The following SH3KBP1 variants were observed in gnomAD, a reference collection of about 807,000 sequenced individuals.
The protein encoded by SH3KBP1 is SH3 domain containing kinase binding protein 1, also known as SH3 domain-containing kinase-binding protein 1.
SH3KBP1 carries 8 observed loss-of-function variants against 50.1 expected under a neutral mutation model. The ratio of observed to expected loss-of-function variants is 0.16; its 90% CI spans 0.09 to 0.29. The LOEUF is 0.29. SH3KBP1 is among the 10% of genes least tolerant of loss of function. The pLI is 1.00. For missense variants in SH3KBP1, 377 were observed against 535.2 expected (o/e 0.70, Z 2.92); for synonymous variants, 227 against 218.6 (o/e 1.04, Z -0.34).
At chrX:19,548,030 G>A (rs781200503) in intron 14 of SH3KBP1, among the ~76,000 whole-genome samples, 13 of 112,947 alleles carry the variant, frequency 1.2e-4, no homozygotes, top group Non-Finnish European at 1.9e-4. Flanking sequence ...AAGTCATTGT[G>A]CCGTAAGCTT....
intron 16 of SH3KBP1, among the ~76,000 whole-genome samples, chrX:19,540,308 G>T (rs964744772): frequency 7.2e-5 from 8 of 110,779 alleles, no homozygotes; most frequent in African/African-American, 2.6e-4. Flanking sequence ...AGTCCAAGAG[G>T]CTTCAATTCC....
intron 6 of SH3KBP1, among the ~76,000 whole-genome samples, chrX:19,671,371 A>AACACACACACACACAC (rs745414505): frequency 7.9e-4 from 81 of 101,907 alleles, no homozygotes; most frequent in Non-Finnish European, 9.8e-4. Flanking sequence ...ATTACTCATA[A>AACACACACACACACAC]ACACACACAC....
At position 19,826,984 on chromosome X, in the gene SH3KBP1, G is replaced by A. The variant is rs187959419; in HGVS notation, c.162+9141C>T. On this transcript the variant is annotated intron_variant, in intron 2 of 17. Transcript: ENST00000397821. ...CCCTTCATAAATCAAGAAGAACAAA[G>A]TAACTGTGAGCTTTATCTTGGAGTG... is the stretch of plus-strand genomic sequence containing the variant. Among the ~76,000 whole-genome samples, 24 of 112,153 alleles carry A rather than the reference G, an allele frequency of 2.1e-4. No homozygotes were observed. The East Asian group carries it at 6.1e-3, about 29-fold the overall frequency.
chrX:19,695,489 C>T, intron 5 of SH3KBP1, 123 bp downstream of exon 5: 1 of 916,273 alleles, frequency 1.1e-6, no homozygotes, highest in Non-Finnish European at 1.5e-6. Flanking sequence ...GCAGTATAAC[C>T]AAAAAAATAC....
intron 8 of SH3KBP1, among the ~76,000 whole-genome samples, chrX:19,608,309 T>TC (rs1365320782): frequency 6.9e-4 from 69 of 100,012 alleles, no homozygotes; most frequent in African/African-American, 2.2e-3. Context: ...TTTCTTTCTT[T>TC]TTTTTTTTTT....
rs182195663 is a variant in SH3KBP1 at position 19,708,373 on chromosome X, T to C, written c.287-1389A>G. ...ACTCCACAAATACTCTCCACCCCTTTGTGCAAAATTACAAGCCTCTGGGTC... is the reference window on the plus strand; with the variant it reads ...ACTCCACAAATACTCTCCACCCCTTCGTGCAAAATTACAAGCCTCTGGGTC... On this transcript the variant is annotated intron_variant, in intron 3 of 17. Transcript: ENST00000397821. Among the ~76,000 whole-genome samples the C allele has an allele frequency of 3.6e-5, 4 of 112,196 alleles. No homozygotes were observed. In the East Asian group the frequency reaches 1.1e-3, roughly 31 times the overall value.
chrX:19,632,745 C>T (rs1327736125), intron 7 of SH3KBP1, among the ~76,000 whole-genome samples: 1 of 112,872 alleles, frequency 8.9e-6, no homozygotes, highest in Non-Finnish European at 1.9e-5. Flanking sequence ...CTCTATTTAT[C>T]TGAAAGCACA....
At chrX:19,884,182 T>G (rs1231492027) in intron 1 of SH3KBP1, among the ~76,000 whole-genome samples, 2 of 112,461 alleles carry the variant, frequency 1.8e-5, no homozygotes. Flanking sequence ...TCATCTTTCA[T>G]GCGCTCTACT....
intron 12 of SH3KBP1, among the ~76,000 whole-genome samples, 156 bp from the exon 13 acceptor site, chrX:19,569,344 A>C (rs2065938445): frequency 2.7e-5 from 3 of 112,577 alleles, no homozygotes; most frequent in African/African-American, 9.7e-5. Context: ...CTGTCTAGCC[A>C]CATGAGATGG....
chrX:19,634,859 C>A (rs2061665999), intron 7 of SH3KBP1, among the ~76,000 whole-genome samples: 2 of 111,567 alleles, frequency 1.8e-5, no homozygotes, highest in Admixed American at 9.4e-5. Context: ...TATTCCAGAG[C>A]TCAAATATAA....
intron 8 of SH3KBP1, among the ~76,000 whole-genome samples, chrX:19,608,277 A>G (rs2067300757): frequency 9.1e-6 from 1 of 110,335 alleles, no homozygotes; most frequent in Non-Finnish European, 1.9e-5. Context: ...CCCTGAATCA[A>G]TAAGGTCTTC....
At chrX:19,705,806 G>A (rs1286416366) in intron 4 of SH3KBP1, among the ~76,000 whole-genome samples, 1 of 111,830 alleles carries the variant, frequency 8.9e-6, no homozygotes, top group Non-Finnish European at 1.9e-5. Context: ...GAAATGCAAA[G>A]GATTTGTCCC....
chrX:19,589,297 A>T (rs187002982), intron 11 of SH3KBP1, among the ~76,000 whole-genome samples: 2 of 112,177 alleles, frequency 1.8e-5, no homozygotes, highest in East Asian at 5.6e-4. Flanking sequence ...TGGTGCTGGC[A>T]TGGAGTCAGG....
intron 2 of SH3KBP1, among the ~76,000 whole-genome samples, chrX:19,785,485 G>A (rs764715860): frequency 3.6e-5 from 4 of 111,122 alleles, no homozygotes; most frequent in African/African-American, 9.8e-5. Flanking sequence ...CCAAGATTGC[G>A]CCACTGCACT....
At chrX:19,679,706 A>T (rs971518426) in intron 6 of SH3KBP1, among the ~76,000 whole-genome samples, 1 of 111,759 alleles carries the variant, frequency 8.9e-6, no homozygotes, top group Non-Finnish European at 1.9e-5. Context: ...TCCAGTTTCA[A>T]CAAATACCAA....
intron 9 of SH3KBP1, among the ~76,000 whole-genome samples, chrX:19,600,615 C>T (rs1419722296): frequency 9.0e-6 from 1 of 111,250 alleles, no homozygotes; most frequent in Non-Finnish European, 1.9e-5. Flanking sequence ...TGGGGTCCTC[C>T]GGGCTAAGTA....
chrX:19,769,723 GT>G (rs2065729850), intron 2 of SH3KBP1, among the ~76,000 whole-genome samples: 1 of 111,005 alleles, frequency 9.0e-6, no homozygotes, highest in Non-Finnish European at 1.9e-5. Flanking sequence ...GCAGCCATTG[GT>G]TTTAACTCCG....
At chrX:19,831,234 T>C (rs1438136879) in intron 2 of SH3KBP1, among the ~76,000 whole-genome samples, 1 of 109,519 alleles carries the variant, frequency 9.1e-6, no homozygotes, top group Admixed American at 9.7e-5. Flanking sequence ...CTGGGCAATA[T>C]AGCAAAACCC....
intron 2 of SH3KBP1, among the ~76,000 whole-genome samples, chrX:19,829,253 C>T (rs1301229325): frequency 9.0e-6 from 1 of 111,582 alleles, no homozygotes; most frequent in Non-Finnish European, 1.9e-5. Context: ...AACAAAGTAC[C>T]GATGTACGCA....
Sources: gnomAD v4.1 joint callset for allele counts (sites outside exome capture counted in the v4.1 genomes callset) on GRCh38, gnomAD v4.1.1 for gene constraint, MANE v1.5 for transcripts, NCBI Gene and HGNC (gene_info 2026-07-23, HGNC 2026-07-21) for gene names.